The following GRB10 variants were observed in gnomAD, a reference collection of about 807,000 sequenced individuals.
GRB10 encodes the protein growth factor receptor-bound protein 10.
A neutral mutation model predicts 80.9 loss-of-function variants in GRB10; 20 were observed. The observed-to-expected ratio is 0.25, with a 90% confidence interval of 0.17 to 0.36. The LOEUF (loss-of-function observed/expected upper bound fraction) is 0.36. Among genes scored for constraint, GRB10 ranks in the 10% least tolerant of loss-of-function variants. GRB10 has a pLI of 1.00. For synonymous variants in GRB10, 291 were observed against 291.5 expected, an observed-to-expected ratio of 1.00 and a Z score of 0.02; for missense variants, 548 against 747.7, an observed-to-expected ratio of 0.73 and a Z score of 3.12.
At chr7:50,666,496 T>A (rs906883181) in intron 7 of GRB10, among the ~76,000 whole-genome samples, 6 of 152,144 alleles carry the variant, frequency 3.9e-5, no homozygotes, top group East Asian at 1.9e-4. Context: ...TGAGCTTGTA[T>A]CTTACATGTC....
intron 18 of GRB10, among the ~76,000 whole-genome samples, chr7:50,595,106 C>T (rs766366115): frequency 6.6e-6 from 1 of 152,048 alleles, no homozygotes; most frequent in Non-Finnish European, 1.5e-5. Context: ...CCATCAGTAC[C>T]CTTTCAGCTG....
upstream of GRB10, among the ~76,000 whole-genome samples, chr7:50,785,604 G>T (rs1370781812): frequency 6.6e-6 from 1 of 152,218 alleles, no homozygotes; most frequent in African/African-American, 2.4e-5. Context: ...CCCCACATGT[G>T]GAACCATTGG....
intron 5 of GRB10, among the ~76,000 whole-genome samples, chr7:50,676,727 G>T (rs188872675): frequency 4.0e-4 from 61 of 152,316 alleles, no homozygotes; most frequent in African/African-American, 1.4e-3. Context: ...CAACAATGAG[G>T]GAGGGAAGTC....
At chr7:50,699,796 G>A (rs1332722731) in intron 5 of GRB10, among the ~76,000 whole-genome samples, 2 of 151,742 alleles carry the variant, frequency 1.3e-5, no homozygotes, top group Admixed American at 6.6e-5. Context: ...GTAAGCTGTT[G>A]TCCTCTGTGT....
chr7:50,788,983 G>T (rs2078803638), intron 1 of GRB10, among the ~76,000 whole-genome samples: 1 of 152,172 alleles, frequency 6.6e-6, no homozygotes, highest in African/African-American at 2.4e-5. Context: ...CCTGGTTGAA[G>T]GAAACCAATT....
chr7:50,605,403 T>A lies in GRB10; in HGVS notation c.1276A>T (p.Ser426Cys). The A allele has an allele frequency of 6.2e-7, 1 of 1,613,188 alleles. No homozygotes were observed. Among genetic ancestry groups the A allele is most frequent in the African/African-American group, 1.3e-5 (1 of 75,026 alleles). ...LLSPFSTPVR[S>C]VSENSLVAMD... is the part of the protein sequence containing the mutation. Reference sequence around the variant, plus strand: ...GCCACGAGGGAGTTCTCGGAGACACTGCGCTGAAAAGGAAAGGCCGCAGTT... The same window carrying A: ...GCCACGAGGGAGTTCTCGGAGACACAGCGCTGAAAAGGAAAGGCCGCAGTT... The change falls in exon 15 of 19, where the codon AGT becomes TGT. Residue 426 changes from serine to cysteine, a missense_variant. Coordinates refer to ENST00000401949, the MANE Select transcript of GRB10 (RefSeq NM_001350814.2).
At chr7:50,684,211 CT>C (rs1357497961) in intron 5 of GRB10, among the ~76,000 whole-genome samples, 2 of 130,260 alleles carry the variant, frequency 1.5e-5, no homozygotes, top group Non-Finnish European at 3.1e-5. Flanking sequence ...CTAGGACAAA[CT>C]TCAGAATCAA....
At chr7:50,785,438 C>T (rs954449003), upstream of GRB10, among the ~76,000 whole-genome samples, 2 of 152,252 alleles carry the variant, frequency 1.3e-5, no homozygotes, top group Non-Finnish European at 2.9e-5. Context: ...CCTCCTCCTA[C>T]CAGGGCTCTG....
chr7:50,714,745 T>C (rs974050007), intron 4 of GRB10, among the ~76,000 whole-genome samples: 4 of 151,980 alleles, frequency 2.6e-5, no homozygotes, highest in Admixed American at 2.6e-4. Flanking sequence ...GCAATTGCAC[T>C]GAACCCAACT....
intron 5 of GRB10, among the ~76,000 whole-genome samples, chr7:50,685,211 T>C (rs1018890086): frequency 3.9e-5 from 6 of 152,216 alleles, no homozygotes; most frequent in Admixed American, 2.6e-4. Context: ...ACTTCAGGTA[T>C]TGGAAATACA....
intron 17 of GRB10, among the ~76,000 whole-genome samples, chr7:50,603,093 T>A (rs1387858363): frequency 6.6e-6 from 1 of 152,184 alleles, no homozygotes; most frequent in Non-Finnish European, 1.5e-5. Flanking sequence ...CAAGAATCAT[T>A]CTTTGAGTTT....
chr7:50,612,790 T>C lies in GRB10; in HGVS notation c.1145A>G (p.Glu382Gly). 6.2e-7 allele frequency: 1 copy of C among 1,614,110 alleles called. No homozygotes were observed. Among genetic ancestry groups the C allele is most frequent in the Admixed American group, 1.7e-5 (1 of 60,026 alleles). ...CCAGCACGTCCTGGTTTGCTCGTCC[T>C]CTGCACAGAGCAACCTCAGCTCTTT... The part of the protein sequence containing the change: ...ETKELRLLCA[E>G]DEQTRTCWMT... The change falls in exon 13 of 19, where the codon GAG becomes GGG. Residue 382 changes from glutamate (E) to glycine (G), a missense_variant. Glu to Gly is a moderately conservative substitution (Grantham distance 98). Transcript: ENST00000401949.
At chr7:50,644,800 C>T (rs962334227) in intron 7 of GRB10, among the ~76,000 whole-genome samples, 1 of 152,176 alleles carries the variant, frequency 6.6e-6, no homozygotes, top group Non-Finnish European at 1.5e-5. Context: ...CTGCTAAGGC[C>T]CCATGACCAA....
At chr7:50,708,438 G>C (rs1226600880) in intron 4 of GRB10, among the ~76,000 whole-genome samples, 1 of 152,196 alleles carries the variant, frequency 6.6e-6, no homozygotes, top group Non-Finnish European at 1.5e-5. Flanking sequence ...TGGCACTAAA[G>C]ATCATCCGGA....
intron 1 of GRB10, chr7:50,792,662 T>C (rs1228016499): frequency 2.6e-6 from 1 of 390,912 alleles, no homozygotes; most frequent in Non-Finnish European, 4.5e-6. Flanking sequence ...AAAAAGGTCC[T>C]CCGTACGAGG....
At chr7:50,770,699 T>TA (rs1319016928) in intron 2 of GRB10, among the ~76,000 whole-genome samples, 1 of 152,144 alleles carries the variant, frequency 6.6e-6, no homozygotes, top group African/African-American at 2.4e-5. Flanking sequence ...GGGATCCAAC[T>TA]ACCTTCTCTT....
At chr7:50,786,013 T>C (rs1295310729), upstream of GRB10, among the ~76,000 whole-genome samples, 2 of 152,168 alleles carry the variant, frequency 1.3e-5, no homozygotes, top group South Asian at 2.1e-4. Flanking sequence ...GCAGAGGGCA[T>C]GTAGGAAATC....
chr7:50,687,427 C>T (rs2062231338), intron 5 of GRB10, among the ~76,000 whole-genome samples: 1 of 152,190 alleles, frequency 6.6e-6, no homozygotes, highest in African/African-American at 2.4e-5. Flanking sequence ...TTGAATCCTG[C>T]CTTGCCCATC....
intron 7 of GRB10, among the ~76,000 whole-genome samples, chr7:50,635,916 A>G (rs1401771758): frequency 2.1e-5 from 3 of 143,408 alleles, no homozygotes; most frequent in African/African-American, 7.7e-5. Flanking sequence ...AAAAAAAAAA[A>G]GCCCAGGACC....
Sources: gnomAD v4.1 joint callset for allele counts (sites outside exome capture counted in the v4.1 genomes callset) on GRCh38, gnomAD v4.1.1 for gene constraint, MANE v1.5 for transcripts, NCBI Gene and HGNC (gene_info 2026-07-23, HGNC 2026-07-21) for gene names.